DMD: variants seen among roughly 807,000 people sequenced by gnomAD.
DMD encodes the protein dystrophin.
DMD carries 63 observed loss-of-function variants against 330.1 expected under a neutral mutation model. That is an observed-to-expected ratio of 0.19 (90% CI 0.16 to 0.24). The LOEUF (loss-of-function observed/expected upper bound fraction) is 0.24, where lower values mean the gene tolerates loss of function less well. Among genes scored for constraint, DMD ranks in the 10% least tolerant of loss-of-function variants. The pLI is 1.00. For missense variants in DMD, 3,344 were observed against 2,684.1 expected, an observed-to-expected ratio of 1.25 and a Z score of -5.43; for synonymous variants, 1,223 against 959.8, an observed-to-expected ratio of 1.27 and a Z score of -5.07.
intron 54 of DMD, among the ~76,000 whole-genome samples, chrX:31,655,541 G>GT (rs1199471832): frequency 9.0e-6 from 1 of 111,357 alleles, no homozygotes; most frequent in Non-Finnish European, 1.9e-5. Context: ...ATGGTTTAAT[G>GT]TTTTTCCCTT....
chrX:32,666,627 G>A (rs1341713170), intron 9 of DMD, among the ~76,000 whole-genome samples: 1 of 110,162 alleles, frequency 9.1e-6, no homozygotes, highest in African/African-American at 3.3e-5. Context: ...TCAGGAGTTC[G>A]AGACCAGCAT....
At chrX:33,324,506 G>C (rs1328239867) in intron 1 of DMD, among the ~76,000 whole-genome samples, 1 of 111,435 alleles carries the variant, frequency 9.0e-6, no homozygotes, top group Non-Finnish European at 1.9e-5. Flanking sequence ...CATTTTATTT[G>C]AAATTAGTTT....
intron 55 of DMD, among the ~76,000 whole-genome samples, chrX:31,537,792 G>A (rs1051679235): frequency 1.5e-4 from 17 of 111,607 alleles, no homozygotes; most frequent in Admixed American, 9.5e-4. Flanking sequence ...TCTGCATCCT[G>A]CCAAGCCAGG....
intron 62 of DMD, chrX:31,266,889 C>T: frequency 8.4e-7 from 1 of 1,189,788 alleles, no homozygotes; most frequent in Non-Finnish European, 1.1e-6. Context: ...TTCCCAGAGC[C>T]GCCGGGCTCC....
intron 1 of DMD, among the ~76,000 whole-genome samples, chrX:33,055,298 A>T (rs2148033953): frequency 8.9e-6 from 1 of 111,812 alleles, no homozygotes; most frequent in East Asian, 2.8e-4. Context: ...AATCAATTTC[A>T]GTTGAAGGAT....
chrX:32,491,602 A>G, intron 19 of DMD, 84 bp from the exon 20 acceptor site: 3 of 920,116 alleles, frequency 3.3e-6, no homozygotes, highest in Non-Finnish European at 3.0e-6. Flanking sequence ...TCCTAATTAT[A>G]AAAGTATTCA....
intron 1 of DMD, among the ~76,000 whole-genome samples, chrX:33,279,933 T>C (rs1250884211): frequency 8.9e-6 from 1 of 112,987 alleles, no homozygotes; most frequent in Non-Finnish European, 1.9e-5. Context: ...TTGAGAGCTC[T>C]TTATGTAGTT....
intron 1 of DMD, among the ~76,000 whole-genome samples, chrX:33,171,172 C>T (rs1216012063): frequency 3.0e-5 from 1 of 33,887 alleles, no homozygotes; most frequent in Non-Finnish European, 5.2e-5. Flanking sequence ...AAAAAACAGA[C>T]CAGATGGATT....
chrX:32,082,411 TCTA>T (rs2096399679), intron 44 of DMD, among the ~76,000 whole-genome samples: 1 of 107,762 alleles, frequency 9.3e-6, no homozygotes, highest in Non-Finnish European at 1.9e-5. Flanking sequence ...TATCTATCTA[TCTA>T]TCTATCTATC....
chrX:33,010,239 C>T (rs2093667605), intron 2 of DMD, among the ~76,000 whole-genome samples: 1 of 102,139 alleles, frequency 9.8e-6, no homozygotes, highest in African/African-American at 3.8e-5. Flanking sequence ...TATATATGTA[C>T]ATATGTGTGT....
Position 32,565,762 on chromosome X carries a change from C to G in DMD, c.1932G>C (p.Leu644=), listed in dbSNP as rs1385046896. 2 of 1,211,608 alleles carry G rather than the reference C, an allele frequency of 1.7e-6. No homozygotes were observed. The highest frequency in any genetic ancestry group is 2.2e-6 in the Non-Finnish European group (2 of 895,366). Residue 644 remains leucine (L), a synonymous_variant, in exon 16 of 79, where the codon CTG becomes CTC. Coordinates refer to ENST00000357033, the MANE Select transcript of DMD (RefSeq NM_004006.3). ...KSVTQKTEAW[L]DNFARCWDNL... ...TATCCCAACACCGGGCAAAGTTATCCAGCCATGCTTCCGTCTTCTGGGTCA... is the reference window on the plus strand; with the variant it reads ...TATCCCAACACCGGGCAAAGTTATCGAGCCATGCTTCCGTCTTCTGGGTCA...
chrX:31,196,383 TAGTG>T (rs781663662), intron 67 of DMD, among the ~76,000 whole-genome samples: 1 of 111,213 alleles, frequency 9.0e-6, no homozygotes, highest in South Asian at 3.9e-4. Flanking sequence ...ACTTAGTTAC[TAGTG>T]AGTATTCATC....
chrX:31,315,663 T>C (rs757094952), intron 62 of DMD, among the ~76,000 whole-genome samples: 4 of 112,724 alleles, frequency 3.5e-5, no homozygotes, highest in East Asian at 5.5e-4. Flanking sequence ...ACCATGTGTA[T>C]TATAATACAG....
chrX:31,172,301 C>G, intron 73 of DMD, 47 bp downstream of exon 73: 4 of 943,877 alleles, frequency 4.2e-6, no homozygotes, highest in Non-Finnish European at 6.1e-6. Flanking sequence ...TCCCTCAAAG[C>G]AATTTCATTG....
intron 2 of DMD, among the ~76,000 whole-genome samples, chrX:32,856,510 A>G (rs145789994): frequency 7.1e-5 from 8 of 112,166 alleles, no homozygotes; most frequent in South Asian, 7.4e-4. Flanking sequence ...GTCATTTGCA[A>G]CAACGTGGAT....
At chrX:32,695,758 A>C (rs1603113889) in intron 9 of DMD, among the ~76,000 whole-genome samples, 1 of 111,988 alleles carries the variant, frequency 8.9e-6, no homozygotes, top group Admixed American at 9.5e-5. Flanking sequence ...CCAGGTTATT[A>C]AATTATTATT....
chrX:31,875,643 A>G (rs750146609), intron 47 of DMD, among the ~76,000 whole-genome samples: 6 of 112,269 alleles, frequency 5.3e-5, no homozygotes, highest in Non-Finnish European at 1.1e-4. Context: ...CACCTTACAC[A>G]AAGGCATAGC....
chrX:32,140,663 C>A (rs979384054), intron 44 of DMD, among the ~76,000 whole-genome samples: 1 of 111,676 alleles, frequency 9.0e-6, no homozygotes, highest in African/African-American at 3.3e-5. Context: ...GGGGAGGCCT[C>A]AGAATCATGG....
intron 60 of DMD, among the ~76,000 whole-genome samples, chrX:31,398,978 C>T (rs767927539): frequency 3.6e-5 from 4 of 109,589 alleles, no homozygotes; most frequent in African/African-American, 6.7e-5. Flanking sequence ...GAGTGAACAC[C>T]GTACGGGCCC....
Sources: gnomAD v4.1 joint callset for allele counts (sites outside exome capture counted in the v4.1 genomes callset) on GRCh38, gnomAD v4.1.1 for gene constraint, MANE v1.5 for transcripts, NCBI Gene and HGNC (gene_info 2026-07-23, HGNC 2026-07-21) for gene names.